The following FAR1 variants were observed in gnomAD, a reference collection of about 807,000 sequenced individuals.
The protein encoded by FAR1 is fatty acyl-CoA reductase 1, also known as male sterility domain-containing protein 2.
A neutral mutation model predicts 61.1 loss-of-function variants in FAR1; 22 were observed. The ratio of observed to expected loss-of-function variants is 0.36; its 90% CI spans 0.26 to 0.51. The LOEUF (loss-of-function observed/expected upper bound fraction) is 0.51, where lower values mean the gene tolerates loss of function less well. FAR1 is among the 20% of genes least tolerant of loss of function. The pLI is 0.95. For missense variants in FAR1, 359 were observed against 626.9 expected (o/e 0.57, Z 4.56); for synonymous variants, 206 against 209.7 (o/e 0.98, Z 0.15).
At chr11:13,671,835 C>T (rs1848008230) in intron 1 of FAR1, among the ~76,000 whole-genome samples, 1 of 152,116 alleles carries the variant, frequency 6.6e-6, no homozygotes, top group African/African-American at 2.4e-5. Context: ...GTAGTAAGTG[C>T]TGGGTGTTCA....
At chr11:13,702,792 A>G (rs910150664) in intron 3 of FAR1, among the ~76,000 whole-genome samples, 1 of 152,222 alleles carries the variant, frequency 6.6e-6, no homozygotes, top group African/African-American at 2.4e-5. Flanking sequence ...TGGACAGGAA[A>G]CATTGATTAG....
intron 1 of FAR1, among the ~76,000 whole-genome samples, chr11:13,680,445 T>C (rs1255973107): frequency 6.6e-6 from 1 of 152,162 alleles, no homozygotes; most frequent in Non-Finnish European, 1.5e-5. Context: ...TGTATTGATA[T>C]AAAGGAATAC....
chr11:13,689,516 A>G (rs1848224654), intron 1 of FAR1, among the ~76,000 whole-genome samples: 1 of 152,218 alleles, frequency 6.6e-6, no homozygotes, highest in Non-Finnish European at 1.5e-5. Context: ...CATCATATGC[A>G]TATACCACAC....
intron 9 of FAR1, among the ~76,000 whole-genome samples, chr11:13,719,102 C>T (rs1848582920): frequency 6.6e-6 from 1 of 152,124 alleles, no homozygotes; most frequent in East Asian, 1.9e-4. Context: ...ATTTTCAACT[C>T]TCATTGAGAA....
At chr11:13,728,166 TTGAAACATGAGC>T (rs1174194352) in intron 11 of FAR1, among the ~76,000 whole-genome samples, 2 of 151,892 alleles carry the variant, frequency 1.3e-5, no homozygotes, top group Non-Finnish European at 2.9e-5. Flanking sequence ...TCAAAATTTT[TTGAAACATGAGC>T]TGAAACATGA....
chr11:13,694,995 G>C, intron 2 of FAR1, 41 bp downstream of exon 2: 2 of 1,499,670 alleles, frequency 1.3e-6, no homozygotes, highest in South Asian at 2.6e-5. Flanking sequence ...AGAAAAAAGC[G>C]TGTGCTTGTG....
chr11:13,687,956 G>A (rs934590276), intron 1 of FAR1, among the ~76,000 whole-genome samples: 1 of 127,288 alleles, frequency 7.9e-6, no homozygotes, highest in African/African-American at 2.9e-5. Context: ...TTGTGGGGTG[G>A]GGGGAGGGGG....
At chr11:13,708,447 GCACACACACACACA>G (rs61253307) in intron 4 of FAR1, among the ~76,000 whole-genome samples, 12 of 136,732 alleles carry the variant, frequency 8.8e-5, no homozygotes, top group Non-Finnish European at 1.4e-4. Flanking sequence ...GCGCGCGCGC[GCACACACACACACA>G]CACACACACA....
intron 10 of FAR1, among the ~76,000 whole-genome samples, chr11:13,726,608 A>G (rs546475247): frequency 2.0e-5 from 3 of 149,274 alleles, no homozygotes; most frequent in Admixed American, 2.0e-4. Flanking sequence ...ATATGCCTAG[A>G]TGTGTGTGGG....
intron 2 of FAR1, among the ~76,000 whole-genome samples, 180 bp downstream of exon 2, chr11:13,695,134 G>A (rs1848295125): frequency 1.3e-5 from 2 of 152,074 alleles, no homozygotes; most frequent in South Asian, 4.1e-4. Context: ...TGAATCACAA[G>A]GAGAAAAAGT....
In FAR1 at chr11:13,721,229, CTA is replaced by C. The variant is rs1374706364; in HGVS notation, c.1128-499_1128-498del. The stretch of plus-strand genomic sequence containing the variant: ...TGTTTTTTTAAATGAATAGAGTTGA[CTA>C]TGTGGCAAACGAATATTTCTGTATT... On this transcript the variant is annotated intron_variant, in intron 9 of 11. Coordinates refer to ENST00000354817, the MANE Select transcript of FAR1 (RefSeq NM_032228.6). This position sits in a 1 kb window ranked among gnomAD's most constrained non-coding sequence, Gnocchi z 4.2. 2.6e-5 allele frequency: 4 copies of C among 152,128 alleles called. No homozygotes were observed. Among genetic ancestry groups the C allele is most frequent in the African/African-American group, 9.7e-5 (4 of 41,376 alleles). The allele number at this position is 152,128 out of a possible 1,614,324, so 9.4% of individuals were successfully genotyped here.
intron 3 of FAR1, among the ~76,000 whole-genome samples, chr11:13,701,281 T>G (rs1454692095): frequency 4.0e-5 from 6 of 151,662 alleles, no homozygotes; most frequent in Non-Finnish European, 8.9e-5. Context: ...AGGAGGATAT[T>G]GAATGCTCTA....
At chr11:13,682,335 G>C (rs1848136578) in intron 1 of FAR1, among the ~76,000 whole-genome samples, 1 of 152,110 alleles carries the variant, frequency 6.6e-6, no homozygotes, top group Non-Finnish European at 1.5e-5. Context: ...AATGTTTGTG[G>C]AATATTGGAA....
Position 13,676,732 on chromosome 11 carries a change from A to G in FAR1, c.-8+7926A>G, listed in dbSNP as rs1374727455. 2.0e-5 allele frequency among the ~76,000 whole-genome samples: 3 copies of G among 152,234 alleles called. No individual in the cohort carries two copies. The East Asian group carries it at 5.8e-4, about 29-fold the overall frequency. Reference sequence around the variant, plus strand: ...ATAGGAACAGGTGAATTAGCTGGTAATGGGACATTTGACCCCACAGAGCTG... The same window carrying G: ...ATAGGAACAGGTGAATTAGCTGGTAGTGGGACATTTGACCCCACAGAGCTG... On this transcript the variant is annotated intron_variant, in intron 1 of 11. Transcript: ENST00000354817.
In FAR1 at chr11:13,668,733, A is replaced by ACGGCGG. The variant is rs534044328; in HGVS notation, c.-66_-61dup. On this transcript the variant is annotated 5_prime_UTR_variant, in exon 1 of 12. Coordinates refer to ENST00000354817, the MANE Select transcript of FAR1 (RefSeq NM_032228.6). Reference sequence around the variant, plus strand: ...TGGAAAAGCGAGTGAAGAGAGCGCGACGGCGGCGGCGGCGGCGGCGCAGCT... The same window carrying ACGGCGG: ...TGGAAAAGCGAGTGAAGAGAGCGCGACGGCGGCGGCGGCGGCGGCGGCGGCGCAGCT... 1.4e-3 allele frequency: 219 copies of ACGGCGG among 156,926 alleles called. 5 individuals carry two copies. Among genetic ancestry groups the ACGGCGG allele is most frequent in the Middle Eastern group, 6.4e-3 (2 of 314 alleles). 9.7% of individuals were successfully genotyped at this position (156,926 alleles called of 1,614,324 possible). A position where few individuals can be genotyped will look rare whatever the true frequency, so the allele number is the denominator to read the frequency against.
intron 1 of FAR1, among the ~76,000 whole-genome samples, chr11:13,674,011 A>G (rs1848038227): frequency 6.6e-6 from 1 of 152,190 alleles, no homozygotes; most frequent in Non-Finnish European, 1.5e-5. Flanking sequence ...AAGCATTATG[A>G]TGTAGAAAAT....
At chr11:13,669,410 T>TC (rs1178977808) in intron 1 of FAR1, 2 of 152,438 alleles carry the variant, frequency 1.3e-5, no homozygotes, top group Admixed American at 6.6e-5. Flanking sequence ...GACACGTGGA[T>TC]CTGGAGTAAG....
chr11:13,698,786 G>A (rs982246749), intron 2 of FAR1, among the ~76,000 whole-genome samples: 1 of 150,684 alleles, frequency 6.6e-6, no homozygotes, highest in African/African-American at 2.4e-5. Context: ...AGCCGAGATC[G>A]CACCACTGCA....
intron 3 of FAR1, among the ~76,000 whole-genome samples, chr11:13,703,863 G>T (rs901525425): frequency 4.0e-5 from 6 of 151,874 alleles, no homozygotes; most frequent in Non-Finnish European, 2.9e-5. Flanking sequence ...GGCCAACATG[G>T]TGAAACCTCA....
Sources: gnomAD v4.1 joint callset for allele counts (sites outside exome capture counted in the v4.1 genomes callset) on GRCh38, gnomAD v4.1.1 for gene constraint, Gnocchi (gnomAD v3.1) non-coding constraint, MANE v1.5 for transcripts, NCBI Gene and HGNC (gene_info 2026-07-23, HGNC 2026-07-21) for gene names.